DOP1A: variants seen among roughly 807,000 people sequenced by gnomAD.
DOP1A encodes protein DOP1A.
DOP1A carries 90 observed loss-of-function variants against 267.6 expected under a neutral mutation model. The ratio of observed to expected loss-of-function variants is 0.34; its 90% CI spans 0.28 to 0.40. The LOEUF (loss-of-function observed/expected upper bound fraction) is 0.40, where lower values mean the gene tolerates loss of function less well. Among genes scored for constraint, DOP1A ranks in the 10% least tolerant of loss-of-function variants. DOP1A has a pLI of 1.00. For missense variants in DOP1A, 2,437 were observed against 2,900.4 expected (o/e 0.84, Z 3.67); for synonymous variants, 932 against 999.1 (o/e 0.93, Z 1.27).
Position 83,124,766 on chromosome 6 carries a change from C to G in DOP1A, c.1402C>G (p.Gln468Glu). The G allele has an allele frequency of 1.2e-6, 2 of 1,613,320 alleles. No homozygotes were observed. The highest frequency in any genetic ancestry group is 1.7e-6 in the Non-Finnish European group (2 of 1,179,576). ...AGATAGTAATGACTCATCTGAATTA[C>G]AGCTGACCAATTTCTGCTTACTGGT... ...PGDSNDSSEL[Q>E]LTNFCLLVDF... Residue 468 changes from glutamine (Q) to glutamate (E), a missense_variant, in exon 13 of 39, where the codon CAG becomes GAG. Gln to Glu is a conservative substitution (Grantham distance 29, BLOSUM62 2). Coordinates refer to ENST00000349129, the MANE Select transcript of DOP1A (RefSeq NM_015018.4).
intron 1 of DOP1A, among the ~76,000 whole-genome samples, chr6:83,095,389 T>A (rs1188687675): frequency 1.3e-5 from 2 of 152,108 alleles, no homozygotes; most frequent in East Asian, 3.9e-4. Flanking sequence ...TCAACTTTGT[T>A]CTTTTGCACA....
At chr6:83,132,765 GTAT>G (rs967830003) in intron 18 of DOP1A, among the ~76,000 whole-genome samples, 4 of 152,082 alleles carry the variant, frequency 2.6e-5, no homozygotes, top group African/African-American at 9.7e-5. Flanking sequence ...TATATTATTT[GTAT>G]TATTATACTG....
At chr6:83,153,054 A>ATG (rs1278381027) in intron 30 of DOP1A, among the ~76,000 whole-genome samples, 2 of 152,148 alleles carry the variant, frequency 1.3e-5, no homozygotes, top group Non-Finnish European at 2.9e-5. Context: ...CTCTTTGCAG[A>ATG]TGTGGATAGT....
intron 38 of DOP1A, chr6:83,166,925 C>T: frequency 3.0e-6 from 3 of 987,408 alleles, no homozygotes; most frequent in Non-Finnish European, 3.6e-6. Context: ...CTGTCTAGTT[C>T]ATTGCTTATT....
At chr6:83,114,752 T>A (rs937678634) in intron 7 of DOP1A, among the ~76,000 whole-genome samples, 1 of 152,194 alleles carries the variant, frequency 6.6e-6, no homozygotes, top group South Asian at 2.1e-4. Context: ...TTACTCTGCC[T>A]TTTCTGTATT....
rs1468409325 is a variant in DOP1A, at chr6:83,139,133, C to T, written c.5091C>T (p.Tyr1697=). ...CRNLDNLIQQ[Y]KYETGLSDSR... ...ATTTAGATAATCTAATTCAGCAGTA[C>T]AAATACGAAACAGGATTATCTGATA... The change falls in exon 21 of 39, where the codon TAC becomes TAT. Residue 1697 remains tyrosine (Y), a synonymous_variant. Transcript: ENST00000349129. The T allele has an allele frequency of 6.2e-7, 1 of 1,613,286 alleles. No homozygotes were observed. Among genetic ancestry groups the T allele is most frequent in the Admixed American group, 1.7e-5 (1 of 59,978 alleles).
chr6:83,152,608 TTTTTTC>T, intron 30 of DOP1A, among the ~76,000 whole-genome samples: 1 of 151,084 alleles, frequency 6.6e-6, no homozygotes. Context: ...TTTTATGTGT[TTTTTTC>T]TTTTTCTTTT....
chr6:83,105,707 T>C (rs1045226135), intron 4 of DOP1A, among the ~76,000 whole-genome samples: 1 of 152,156 alleles, frequency 6.6e-6, no homozygotes. Context: ...AGTAAAGGTA[T>C]TTTTGATAGT....
intron 4 of DOP1A, among the ~76,000 whole-genome samples, chr6:83,101,161 G>T (rs1020590350): frequency 6.6e-6 from 1 of 151,956 alleles, no homozygotes; most frequent in Non-Finnish European, 1.5e-5. Flanking sequence ...GACTACAGGC[G>T]CCCGCCACCA....
intron 19 of DOP1A, among the ~76,000 whole-genome samples, chr6:83,134,690 A>C (rs912729220): frequency 4.6e-5 from 7 of 152,182 alleles, no homozygotes; most frequent in Non-Finnish European, 7.3e-5. Context: ...TATAGCTGAA[A>C]ACACTAACAG....
rs188246058 is a variant in DOP1A at position 83,129,236 on chromosome 6, A to T, written c.2069A>T (p.Asn690Ile). 6.2e-7 allele frequency: 1 copy of T among 1,613,550 alleles called. No homozygotes were observed. Among genetic ancestry groups the T allele is most frequent in the Non-Finnish European group, 8.5e-7 (1 of 1,179,814 alleles). ...YVQQFLTRLINLYIIQNNSFS... is the reference protein window; with the variant it reads ...YVQQFLTRLIILYIIQNNSFS... ...CAACAGTTTCTTACCAGACTTATCA[A>T]CCTCTACATCATTCAGAATAACTCT... Residue 690 changes from asparagine to isoleucine, a missense_variant, in exon 16 of 39, where the codon AAC (asparagine) becomes ATC (isoleucine). Transcript: ENST00000349129.
At chr6:83,077,507 A>T (rs756706074) in intron 1 of DOP1A, among the ~76,000 whole-genome samples, 9 of 151,678 alleles carry the variant, frequency 5.9e-5, no homozygotes, top group Non-Finnish European at 8.8e-5. Context: ...TGTCTACAAA[A>T]AAAAATTTTT....
chr6:83,123,088 CTAA>C (rs1339282458), intron 12 of DOP1A, 106 bp downstream of exon 12: 1 of 1,193,080 alleles, frequency 8.4e-7, no homozygotes, highest in Admixed American at 3.3e-5. Context: ...CATTCTATTA[CTAA>C]TAATAACTGT....
Position 83,116,325 on chromosome 6 carries a change from T to A in DOP1A, c.781-2563T>A, listed in dbSNP as rs144946887. 6.6e-5 allele frequency among the ~76,000 whole-genome samples: 10 copies of A among 152,334 alleles called. No homozygotes were observed. The East Asian group carries it at 1.9e-3, about 29-fold the overall frequency. On this transcript the variant is annotated intron_variant, in intron 7 of 38. Coordinates refer to ENST00000349129, the MANE Select transcript of DOP1A (RefSeq NM_015018.4). Reference sequence around the variant, plus strand: ...TTTCAGTCATATGTGCTTTTGTAACTTCATGATTGGATATTAAGGAAATAC... The same window carrying A: ...TTTCAGTCATATGTGCTTTTGTAACATCATGATTGGATATTAAGGAAATAC...
chr6:83,134,321 A>T (rs1376663484), intron 19 of DOP1A, 34 bp downstream of exon 19: 2 of 1,564,274 alleles, frequency 1.3e-6, no homozygotes, highest in African/African-American at 2.7e-5. Context: ...TTTCACAGTC[A>T]TATATCTTAA....
chr6:83,108,595 A>C (rs1774043612), intron 4 of DOP1A, among the ~76,000 whole-genome samples: 1 of 152,214 alleles, frequency 6.6e-6, no homozygotes, highest in Non-Finnish European at 1.5e-5. Context: ...GTGATGCCAT[A>C]TTTTGAAATT....
intron 26 of DOP1A, among the ~76,000 whole-genome samples, chr6:83,147,715 T>A (rs1780841115): frequency 6.6e-6 from 1 of 152,200 alleles, no homozygotes; most frequent in South Asian, 2.1e-4. Context: ...TCCTCCTTTA[T>A]AAGATAATTC....
intron 24 of DOP1A, among the ~76,000 whole-genome samples, chr6:83,145,204 A>ATAATATATATATATAATATATATATAT (rs1554246758): frequency 1.5e-3 from 1 of 646 alleles, no homozygotes; most frequent in African/African-American, 5.5e-3. Context: ...ATATATATAT[A>ATAATATATATATATAATATATATATAT]ATAATATATA....
At chr6:83,076,447 G>C (rs1480404930) in intron 1 of DOP1A, among the ~76,000 whole-genome samples, 1 of 152,152 alleles carries the variant, frequency 6.6e-6, no homozygotes, top group Non-Finnish European at 1.5e-5. Flanking sequence ...GCTTGGACCT[G>C]GGAGGTTGAG....
Sources: allele counts gnomAD v4.1 joint callset (sites outside exome capture counted in the v4.1 genomes callset), GRCh38; gene constraint gnomAD v4.1.1; transcripts MANE v1.5; gene names NCBI Gene and HGNC (gene_info 2026-07-23, HGNC 2026-07-21).